TTBK2: variants seen among roughly 807,000 people sequenced by gnomAD.
TTBK2 encodes tau-tubulin kinase 2.
TTBK2 carries 28 observed loss-of-function variants against 110.8 expected under a neutral mutation model. The observed-to-expected ratio is 0.25, with a 90% CI of 0.19 to 0.35. The LOEUF (loss-of-function observed/expected upper bound fraction) is 0.35. Among genes scored for constraint, TTBK2 ranks in the 10% least tolerant of loss-of-function variants. The pLI, the probability that TTBK2 is intolerant of heterozygous loss-of-function variation, is 1.00. For missense variants in TTBK2, 1,369 were observed against 1,500.3 expected, an observed-to-expected ratio of 0.91 and a Z score of 1.45; for synonymous variants, 532 against 527.3, an observed-to-expected ratio of 1.01 and a Z score of -0.12.
chr15:42,919,749 T>G (rs1227196536), intron 1 of TTBK2: 1 of 980,068 alleles, frequency 1.0e-6, no homozygotes, highest in African/African-American at 1.8e-5. Context: ...CAACTCAATG[T>G]CATTTTTACC....
At chr15:42,873,604 C>G (rs1045031208) in intron 2 of TTBK2, among the ~76,000 whole-genome samples, 1 of 151,996 alleles carries the variant, frequency 6.6e-6, no homozygotes, top group African/African-American at 2.4e-5. Flanking sequence ...AAAAAAAAAT[C>G]AATTTAAGCA....
At chr15:42,855,949 T>C (rs1451486495) in intron 3 of TTBK2, among the ~76,000 whole-genome samples, 1 of 152,214 alleles carries the variant, frequency 6.6e-6, no homozygotes, top group Non-Finnish European at 1.5e-5. Context: ...CCCAAAGTGC[T>C]AGGATTACAG....
chr15:42,854,434 C>T (rs1285971624), intron 3 of TTBK2, among the ~76,000 whole-genome samples: 3 of 152,094 alleles, frequency 2.0e-5, no homozygotes, highest in Non-Finnish European at 2.9e-5. Flanking sequence ...AGCAAAACAA[C>T]ATGTAACGTA....
At chr15:42,839,477 C>T (rs1298863664) in intron 4 of TTBK2, among the ~76,000 whole-genome samples, 1 of 152,116 alleles carries the variant, frequency 6.6e-6, no homozygotes, top group African/African-American at 2.4e-5. Context: ...AATGGGATTG[C>T]TAGGTTGAAT....
chr15:42,753,995 T>C (rs1198966305), intron 13 of TTBK2, among the ~76,000 whole-genome samples: 4 of 152,126 alleles, frequency 2.6e-5, no homozygotes, highest in African/African-American at 4.8e-5. Flanking sequence ...TTGTTTTCCA[T>C]AAATTCTATT....
chr15:42,804,899 G>C (rs935847542), intron 9 of TTBK2, among the ~76,000 whole-genome samples: 1 of 152,176 alleles, frequency 6.6e-6, no homozygotes, highest in Non-Finnish European at 1.5e-5. Context: ...AGAAGACTGA[G>C]AGAATAGCAG....
intron 7 of TTBK2, among the ~76,000 whole-genome samples, chr15:42,815,544 C>T (rs1256793656): frequency 6.6e-6 from 1 of 151,842 alleles, no homozygotes; most frequent in Non-Finnish European, 1.5e-5. Context: ...AGTTTTCCTA[C>T]TCATAAAGTT....
chr15:42,913,454 A>G (rs1050527026), intron 1 of TTBK2, among the ~76,000 whole-genome samples: 1 of 152,012 alleles, frequency 6.6e-6, no homozygotes, highest in African/African-American at 2.4e-5. Context: ...CCTGATTAAC[A>G]CGGTGAAACC....
intron 4 of TTBK2, among the ~76,000 whole-genome samples, chr15:42,833,035 T>G (rs1226617637): frequency 1.3e-5 from 2 of 151,928 alleles, no homozygotes; most frequent in Admixed American, 6.6e-5. Context: ...CATCAGACAC[T>G]GGGGTCTACT....
intron 10 of TTBK2, 150 bp downstream of exon 10, chr15:42,794,494 G>C (rs192706408): frequency 9.4e-7 from 1 of 1,063,506 alleles, no homozygotes; most frequent in Non-Finnish European, 1.4e-6. Context: ...TTCCAAAGGC[G>C]TACATAAGAG....
Position 42,752,085 on chromosome 15 carries a change from G to A in TTBK2, c.3161C>T (p.Pro1054Leu). The A allele has an allele frequency of 1.2e-6, 2 of 1,614,176 alleles. No individual in the cohort carries two copies. Among genetic ancestry groups the A allele is most frequent in the Non-Finnish European group, 1.7e-6 (2 of 1,180,040 alleles). ...TGTGTTGACCCATGAAACTGGCCTT[G>A]GAATTTTGCTCTTTCTAGACTGGGA... ...IISQSRKSKI[P>L]RPVSWVNTDQ... Residue 1054 changes from proline to leucine, a missense_variant, in exon 14 of 15, where the codon CCA becomes CTA. Pro to Leu is a moderately conservative substitution (Grantham distance 98). Around this residue, in one of 4 missense-constraint regions of TTBK2, gnomAD observed 1,097 missense variants for 1,114.7 expected, o/e 0.98. Transcript: ENST00000267890.
intron 6 of TTBK2, among the ~76,000 whole-genome samples, chr15:42,823,221 T>TG (rs1202032815): frequency 3.3e-5 from 5 of 152,272 alleles, no homozygotes; most frequent in African/African-American, 1.2e-4. Context: ...AAAGGGCCAG[T>TG]GTGAGATGCC....
At chr15:42,871,017 T>A (rs1273522518) in intron 3 of TTBK2, among the ~76,000 whole-genome samples, 1 of 152,086 alleles carries the variant, frequency 6.6e-6, no homozygotes, top group Non-Finnish European at 1.5e-5. Flanking sequence ...TAGGCCAACA[T>A]GACAGCAAGA....
At chr15:42,893,849 A>T (rs931479986) in intron 1 of TTBK2, among the ~76,000 whole-genome samples, 3 of 152,218 alleles carry the variant, frequency 2.0e-5, no homozygotes, top group Non-Finnish European at 4.4e-5. Context: ...GAACAACATT[A>T]TACACAGAAA....
intron 11 of TTBK2, among the ~76,000 whole-genome samples, chr15:42,780,365 G>T (rs1181538618): frequency 6.7e-6 from 1 of 149,308 alleles, no homozygotes; most frequent in Non-Finnish European, 1.5e-5. Flanking sequence ...TTTTTTAAAA[G>T]AAAGAATTAA....
chr15:42,895,695 G>A (rs1428561835), intron 1 of TTBK2, among the ~76,000 whole-genome samples: 5 of 151,664 alleles, frequency 3.3e-5, no homozygotes, highest in Admixed American at 2.0e-4. Flanking sequence ...CTGCCACCAC[G>A]CCCAGCTAAT....
chr15:42,804,242 C>T (rs1375179430), intron 9 of TTBK2, among the ~76,000 whole-genome samples: 4 of 151,682 alleles, frequency 2.6e-5, no homozygotes, highest in African/African-American at 9.7e-5. Flanking sequence ...GTCAGGAGTT[C>T]GAGACCAGCC....
At chr15:42,864,581 T>C (rs1008858749) in intron 3 of TTBK2, among the ~76,000 whole-genome samples, 2 of 149,538 alleles carry the variant, frequency 1.3e-5, no homozygotes, top group Non-Finnish European at 3.0e-5. Flanking sequence ...CGAAACTCCA[T>C]CTCAAAAAAA....
intron 3 of TTBK2, among the ~76,000 whole-genome samples, chr15:42,869,978 G>A (rs550647105): frequency 2.0e-5 from 3 of 152,100 alleles, no homozygotes; most frequent in African/African-American, 4.8e-5. Flanking sequence ...GGAGTTACTC[G>A]CCTGGCCAAC....
Sources: gnomAD v4.1 joint callset for allele counts (sites outside exome capture counted in the v4.1 genomes callset) on GRCh38, gnomAD v4.1.1 for gene constraint, gnomAD v4.1.1 regional missense constraint, MANE v1.5 for transcripts, NCBI Gene and HGNC (gene_info 2026-07-23, HGNC 2026-07-21) for gene names.